The following PRELID2 variants were observed in gnomAD, a reference collection of about 807,000 sequenced individuals.
PRELID2 encodes the protein PRELI domain-containing protein 2.
In PRELID2, 25 loss-of-function variants were observed where a neutral mutation model predicts 28.4. The ratio of observed to expected loss-of-function variants is 0.88; its 90% CI spans 0.64 to 1.23. The LOEUF (loss-of-function observed/expected upper bound fraction) is 1.23, where lower values mean the gene tolerates loss of function less well. PRELID2 is among the 50% of genes most tolerant of loss of function. PRELID2 has a pLI of 0.00. For missense variants in PRELID2, 201 were observed against 214.4 expected, an observed-to-expected ratio of 0.94 and a Z score of 0.39; for synonymous variants, 76 against 71.6, an observed-to-expected ratio of 1.06 and a Z score of -0.31.
At chr5:145,595,292 G>A (rs536119734) in intron 1 of PRELID2, among the ~76,000 whole-genome samples, 13 of 151,238 alleles carry the variant, frequency 8.6e-5, no homozygotes, top group South Asian at 6.3e-4. Context: ...TTTTTGGCAC[G>A]GCCTTTCTAT....
intron 1 of PRELID2, among the ~76,000 whole-genome samples, chr5:145,677,003 T>C (rs1010351861): frequency 2.6e-5 from 4 of 152,076 alleles, no homozygotes; most frequent in African/African-American, 9.7e-5. Flanking sequence ...AAACTAATTT[T>C]GAAAACAAAT....
chr5:145,291,276 G>A, the PRELID2 span, among the ~76,000 whole-genome samples: 317 of 147,236 alleles, frequency 2.2e-3, 2 homozygotes, highest in African/African-American at 7.7e-3. Flanking sequence ...GGCGGAGGTC[G>A]CAGTGAGCCG....
At chr5:145,373,315 A>G in the PRELID2 span, among the ~76,000 whole-genome samples, 2 of 105,186 alleles carry the variant, frequency 1.9e-5, no homozygotes, top group African/African-American at 7.2e-5. Flanking sequence ...GATATATATT[A>G]CAACATATAT....
the PRELID2 span, among the ~76,000 whole-genome samples, chr5:145,359,395 C>T: frequency 1.2e-4 from 18 of 152,204 alleles, no homozygotes; most frequent in Middle Eastern, 3.4e-3. Flanking sequence ...ATCAGGAATA[C>T]GGCTGCAGGA....
At chr5:145,344,701 T>A in the PRELID2 span, among the ~76,000 whole-genome samples, 3 of 152,210 alleles carry the variant, frequency 2.0e-5, no homozygotes, top group South Asian at 2.1e-4. Flanking sequence ...CCAAGCTGAG[T>A]ATTACTATGT....
chr5:145,780,183 G>A (rs1201340028), intron 5 of PRELID2, among the ~76,000 whole-genome samples: 2 of 152,160 alleles, frequency 1.3e-5, no homozygotes, highest in South Asian at 2.1e-4. Context: ...TGTGGTGGCA[G>A]GTGCCTGTAA....
At chr5:145,382,540 A>G in the PRELID2 span, among the ~76,000 whole-genome samples, 1 of 152,060 alleles carries the variant, frequency 6.6e-6, no homozygotes, top group African/African-American at 2.4e-5. Flanking sequence ...TGTCAAAAAC[A>G]ATAGAGTCAA....
At chr5:145,535,144 G>T (rs1002632099) in intron 1 of PRELID2, among the ~76,000 whole-genome samples, 1 of 151,842 alleles carries the variant, frequency 6.6e-6, no homozygotes, top group Non-Finnish European at 1.5e-5. Context: ...TCCTTTAGAT[G>T]CAATTGATTA....
At chr5:145,400,043 T>C in the PRELID2 span, among the ~76,000 whole-genome samples, 3 of 152,152 alleles carry the variant, frequency 2.0e-5, no homozygotes, top group East Asian at 3.9e-4. Flanking sequence ...CCTCACACTG[T>C]CCTTCCTTTC....
chr5:145,339,007 C>A, the PRELID2 span, among the ~76,000 whole-genome samples: 1 of 152,078 alleles, frequency 6.6e-6, no homozygotes, highest in South Asian at 2.1e-4. Flanking sequence ...ATTAAAATAG[C>A]CCAATTTTTA....
intron 1 of PRELID2, among the ~76,000 whole-genome samples, chr5:145,629,336 G>A (rs564078134): frequency 2.6e-5 from 4 of 152,312 alleles, no homozygotes; most frequent in South Asian, 4.1e-4. Context: ...AGGCAGTTTC[G>A]TTCAAGTCCT....
the PRELID2 span, among the ~76,000 whole-genome samples, chr5:145,459,604 T>G: frequency 6.6e-6 from 1 of 152,126 alleles, no homozygotes; most frequent in Non-Finnish European, 1.5e-5. Flanking sequence ...TTAACATATT[T>G]ATTTTTTCAT....
At chr5:145,287,017 C>T in the PRELID2 span, among the ~76,000 whole-genome samples, 1 of 151,912 alleles carries the variant, frequency 6.6e-6, no homozygotes, top group Non-Finnish European at 1.5e-5. Context: ...GCCAGAACTT[C>T]TTATTGTTAC....
At chr5:145,410,784 C>G in the PRELID2 span, among the ~76,000 whole-genome samples, 2 of 152,114 alleles carry the variant, frequency 1.3e-5, no homozygotes, top group Middle Eastern at 6.8e-3. Flanking sequence ...CACTGCACTC[C>G]CGAATCTCAT....
intron 4 of PRELID2, among the ~76,000 whole-genome samples, chr5:145,817,210 A>ATATATATATATAT (rs1561643788): frequency 1.3e-4 from 9 of 67,922 alleles, no homozygotes; most frequent in Admixed American, 1.9e-4. Flanking sequence ...TAAATAAATA[A>ATATATATATATAT]ATAAAAAAAA....
At chr5:145,263,498 T>A in the PRELID2 span, among the ~76,000 whole-genome samples, 1 of 151,808 alleles carries the variant, frequency 6.6e-6, no homozygotes, top group African/African-American at 2.4e-5. Flanking sequence ...CAAAGCAGAA[T>A]TAAATTAAAT....
At chr5:145,677,487 A>G (rs1206328522) in intron 1 of PRELID2, among the ~76,000 whole-genome samples, 2 of 152,028 alleles carry the variant, frequency 1.3e-5, no homozygotes, top group East Asian at 3.9e-4. Context: ...GTTATTTTTC[A>G]GATTGAAATA....
chr5:145,421,012 T>C, the PRELID2 span, among the ~76,000 whole-genome samples: 2 of 146,706 alleles, frequency 1.4e-5, no homozygotes, highest in East Asian at 4.0e-4. Flanking sequence ...TGTCTTTTGC[T>C]CTGTTTATAT....
At chr5:145,745,866 A>AAAAAAAATG (rs1554088708) in intron 1 of PRELID2, among the ~76,000 whole-genome samples, 7,628 of 150,898 alleles carry the variant, frequency 0.051, 344 homozygotes, top group African/African-American at 0.12. Flanking sequence ...TCATCTCAAA[A>AAAAAAAATG]AAAAAAATGA....
Sources: gnomAD v4.1 joint callset for allele counts (sites outside exome capture counted in the v4.1 genomes callset) on GRCh38, gnomAD v4.1.1 for gene constraint, MANE v1.5 for transcripts, NCBI Gene and HGNC (gene_info 2026-07-23, HGNC 2026-07-21) for gene names.